Variants in CNTN5 observed in about 807,000 individuals in gnomAD.
CNTN5 encodes the protein contactin 5, also known as contactin-5.
A neutral mutation model predicts 129.1 loss-of-function variants in CNTN5; 77 were observed. The observed-to-expected ratio is 0.60, with a 90% CI of 0.50 to 0.72. CNTN5 has a LOEUF of 0.72. CNTN5 is among the 30% of genes least tolerant of loss of function. The pLI, the probability that CNTN5 is intolerant of heterozygous loss-of-function variation, is 0.00. For synonymous variants in CNTN5, 509 were observed against 465.6 expected (o/e 1.09, Z -1.20); for missense variants, 1,478 against 1,328.8 (o/e 1.11, Z -1.75).
At chr11:99,692,461 A>G (rs1954079130) in intron 3 of CNTN5, among the ~76,000 whole-genome samples, 1 of 151,892 alleles carries the variant, frequency 6.6e-6, no homozygotes, top group Non-Finnish European at 1.5e-5. Flanking sequence ...GCATTTGTGA[A>G]AAAGGACTTT....
chr11:99,289,445 C>T (rs1864077336), intron 1 of CNTN5, among the ~76,000 whole-genome samples: 1 of 151,628 alleles, frequency 6.6e-6, no homozygotes, highest in South Asian at 2.1e-4. Flanking sequence ...TTAATAGTTA[C>T]CTACTTAATA....
At chr11:99,693,855 A>AAT (rs1482676883) in intron 3 of CNTN5, among the ~76,000 whole-genome samples, 3 of 152,126 alleles carry the variant, frequency 2.0e-5, no homozygotes, top group African/African-American at 7.2e-5. Context: ...TAGGTAAATG[A>AAT]ATATGATACA....
chr11:99,512,632 T>G (rs1226980317), intron 2 of CNTN5, among the ~76,000 whole-genome samples: 1 of 152,142 alleles, frequency 6.6e-6, no homozygotes, highest in African/African-American at 2.4e-5. Flanking sequence ...TGTCAGTAAT[T>G]CTAGAATAGT....
intron 8 of CNTN5, among the ~76,000 whole-genome samples, chr11:99,993,444 C>T (rs1250489479): frequency 2.6e-5 from 4 of 152,040 alleles, no homozygotes; most frequent in Non-Finnish European, 2.9e-5. Flanking sequence ...ATTTTGGCAC[C>T]AGGGATCAAC....
intron 6 of CNTN5, among the ~76,000 whole-genome samples, chr11:99,887,709 G>A (rs1948936297): frequency 6.6e-6 from 1 of 152,254 alleles, no homozygotes; most frequent in South Asian, 2.1e-4. Context: ...AAGTACACGA[G>A]TCGAAAAGCT....
intron 13 of CNTN5, among the ~76,000 whole-genome samples, chr11:100,107,976 A>G (rs1945510156): frequency 1.4e-5 from 2 of 143,224 alleles, no homozygotes; most frequent in African/African-American, 5.3e-5. Flanking sequence ...AACAGAGAAT[A>G]GTGGGGATAA....
intron 2 of CNTN5, among the ~76,000 whole-genome samples, chr11:99,451,179 A>G (rs1182874558): frequency 6.6e-6 from 1 of 152,132 alleles, no homozygotes; most frequent in Non-Finnish European, 1.5e-5. Flanking sequence ...GGAAAATTTT[A>G]AAATTAGGTA....
chr11:99,963,894 C>T (rs1015397943), intron 8 of CNTN5, among the ~76,000 whole-genome samples: 8 of 152,066 alleles, frequency 5.3e-5, no homozygotes, highest in Non-Finnish European at 1.0e-4. Flanking sequence ...AGTTGGATTC[C>T]TAAGTATTTT....
intron 3 of CNTN5, among the ~76,000 whole-genome samples, chr11:99,627,821 G>C (rs1256710939): frequency 6.6e-6 from 1 of 151,470 alleles, no homozygotes; most frequent in Non-Finnish European, 1.5e-5. Context: ...TGTGCAGACA[G>C]GTTAAATGTT....
At chr11:99,821,765 G>T (rs554042977) in intron 4 of CNTN5, among the ~76,000 whole-genome samples, 56 of 152,206 alleles carry the variant, frequency 3.7e-4, no homozygotes, top group African/African-American at 1.3e-3. Flanking sequence ...TAGGGCAAGA[G>T]AATACCACTT....
At chr11:99,809,476 T>C (rs1175012761) in intron 3 of CNTN5, among the ~76,000 whole-genome samples, 1 of 152,170 alleles carries the variant, frequency 6.6e-6, no homozygotes, top group Admixed American at 6.6e-5. Context: ...AAATTTTAAA[T>C]CCTATATTGC....
intron 3 of CNTN5, among the ~76,000 whole-genome samples, chr11:99,745,728 A>ATT (rs5794017): frequency 0.019 from 2,808 of 149,678 alleles, 83 homozygotes; most frequent in African/African-American, 0.054. Flanking sequence ...ACCTGAAGAC[A>ATT]TTTTTTTTTT....
At chr11:99,220,456 A>G (rs542414670) in intron 1 of CNTN5, among the ~76,000 whole-genome samples, 9 of 152,118 alleles carry the variant, frequency 5.9e-5, no homozygotes, top group African/African-American at 2.2e-4. Flanking sequence ...TTTTATATTT[A>G]CAAATAGCCA....
chr11:99,673,956 C>T (rs1953161103), intron 3 of CNTN5, among the ~76,000 whole-genome samples: 1 of 152,024 alleles, frequency 6.6e-6, no homozygotes, highest in African/African-American at 2.4e-5. Context: ...AATTTATATT[C>T]CTTTGGGTAT....
At chr11:99,956,715 T>G in intron 7 of CNTN5, 91 bp from the exon 8 acceptor site, 1 of 859,826 alleles carries the variant, frequency 1.2e-6, no homozygotes, top group Non-Finnish European at 1.9e-6. Context: ...TTGCAATATA[T>G]CTAATGCTTT....
chr11:99,370,256 C>T (rs1565527828), intron 2 of CNTN5, among the ~76,000 whole-genome samples: 1 of 152,138 alleles, frequency 6.6e-6, no homozygotes, highest in Non-Finnish European at 1.5e-5. Flanking sequence ...AATAGGTTAT[C>T]TTTGGATTAA....
At chr11:99,437,217 G>C (rs1204579544) in intron 2 of CNTN5, among the ~76,000 whole-genome samples, 2 of 152,174 alleles carry the variant, frequency 1.3e-5, no homozygotes, top group African/African-American at 4.8e-5. Flanking sequence ...CAGATGTATT[G>C]AGATGATCTT....
chr11:100,326,596 A>C (rs1951791559), intron 21 of CNTN5, among the ~76,000 whole-genome samples: 1 of 152,134 alleles, frequency 6.6e-6, no homozygotes. Context: ...ATCCACACTA[A>C]CCCGTTTCCA....
At chr11:99,790,473 C>G (rs1945700706) in intron 3 of CNTN5, among the ~76,000 whole-genome samples, 1 of 152,036 alleles carries the variant, frequency 6.6e-6, no homozygotes, top group Non-Finnish European at 1.5e-5. Flanking sequence ...GCCTCCAGCT[C>G]CATCCACATT....
Sources: allele counts gnomAD v4.1 joint callset (sites outside exome capture counted in the v4.1 genomes callset), GRCh38; gene constraint gnomAD v4.1.1; transcripts MANE v1.5; gene names NCBI Gene and HGNC (gene_info 2026-07-23, HGNC 2026-07-21).